Variants in TPRG1 observed in about 807,000 individuals in gnomAD.
TPRG1 encodes tumor protein p63 regulated 1, also known as tumor protein p63-regulated gene 1 protein.
A neutral mutation model predicts 29.3 loss-of-function variants in TPRG1; 29 were observed. The observed-to-expected ratio is 0.99, with a 90% confidence interval of 0.74 to 1.35. The LOEUF is 1.35. Among genes scored for constraint, TPRG1 ranks in the 40% most tolerant of loss-of-function variants. The probability of loss-of-function intolerance (pLI) is 0.00; values close to 1 mark genes in which losing one functional copy is unlikely to be tolerated. For missense variants in TPRG1, 327 were observed against 335.0 expected (o/e 0.98, Z 0.19); for synonymous variants, 130 against 116.8 (o/e 1.11, Z -0.73).
chr3:189,146,012 AAGCC>A (rs143731870), intron 3 of TPRG1, among the ~76,000 whole-genome samples: 1,772 of 152,282 alleles, frequency 0.012, 36 homozygotes, highest in African/African-American at 0.041. Context: ...TTCTAAGAGA[AAGCC>A]AGGCTAAAAT....
At chr3:189,150,428 G>A (rs576124478) in intron 4 of TPRG1, among the ~76,000 whole-genome samples, 5 of 152,180 alleles carry the variant, frequency 3.3e-5, no homozygotes, top group African/African-American at 4.8e-5. Context: ...TGATTCACCC[G>A]CCTCGGCCTC....
intron 3 of TPRG1, among the ~76,000 whole-genome samples, chr3:189,018,911 C>T (rs928638379): frequency 3.3e-5 from 5 of 151,298 alleles, no homozygotes; most frequent in Non-Finnish European, 5.9e-5. Flanking sequence ...TTTCCTTGAG[C>T]AGTGGATTGT....
At chr3:189,014,498 C>T (rs920245547) in intron 3 of TPRG1, among the ~76,000 whole-genome samples, 1 of 152,056 alleles carries the variant, frequency 6.6e-6, no homozygotes, top group African/African-American at 2.4e-5. Context: ...GGGTAATCTT[C>T]TCATGGACTG....
intron 2 of TPRG1, among the ~76,000 whole-genome samples, chr3:189,003,687 T>C (rs1268005000): frequency 6.6e-6 from 1 of 152,162 alleles, no homozygotes; most frequent in East Asian, 1.9e-4. Flanking sequence ...TATCCCTAGA[T>C]GGGTTGGCAT....
chr3:189,107,640 C>T (rs1316859667), intron 1 of TPRG1, among the ~76,000 whole-genome samples: 1 of 152,074 alleles, frequency 6.6e-6, no homozygotes, highest in Non-Finnish European at 1.5e-5. Flanking sequence ...TGTTCATTCA[C>T]CTGCATTCAG....
intron 4 of TPRG1, among the ~76,000 whole-genome samples, chr3:189,056,564 A>G (rs1249529517): frequency 2.0e-5 from 3 of 152,188 alleles, no homozygotes; most frequent in Non-Finnish European, 4.4e-5. Context: ...CCATGATTAC[A>G]CCATTTTCCT....
chr3:189,302,813 G>C (rs1004773947), intron 4 of TPRG1, among the ~76,000 whole-genome samples: 1 of 152,100 alleles, frequency 6.6e-6, no homozygotes, highest in Admixed American at 6.6e-5. Context: ...GAGAAAGAGG[G>C]TATTTTTATC....
intron 4 of TPRG1, among the ~76,000 whole-genome samples, chr3:189,293,400 G>C (rs1719340142): frequency 6.6e-6 from 1 of 152,120 alleles, no homozygotes; most frequent in Non-Finnish European, 1.5e-5. Context: ...CCTGATCTGG[G>C]ACCTGGATAA....
rs570106369 is a variant in TPRG1, at chr3:189,161,368, C to T, written c.-10+10496C>T. Reference sequence around the variant, plus strand: ...ACTTGTTTCTCCTCAGTTTCTTCTGCCATAAATGGAGAAGCATTGTAAAAA... The same window carrying T: ...ACTTGTTTCTCCTCAGTTTCTTCTGTCATAAATGGAGAAGCATTGTAAAAA... On this transcript the variant is annotated intron_variant, in intron 5 of 6. Transcript: ENST00000412373. Among the ~76,000 whole-genome samples the T allele has an allele frequency of 6.6e-5, 10 of 152,226 alleles. No homozygotes were observed. In the South Asian group the frequency reaches 1.9e-3, roughly 28 times the overall value.
chr3:189,286,496 T>C (rs1356359004), intron 4 of TPRG1, among the ~76,000 whole-genome samples: 2 of 152,062 alleles, frequency 1.3e-5, no homozygotes, highest in African/African-American at 4.8e-5. Context: ...TGAATGCATG[T>C]TTATTTCATA....
chr3:189,317,748 G>A (rs1283882000), intron 5 of TPRG1, among the ~76,000 whole-genome samples: 2 of 152,142 alleles, frequency 1.3e-5, no homozygotes, highest in Non-Finnish European at 2.9e-5. Context: ...GATATTATCG[G>A]TTGTCATATC....
chr3:189,022,731 C>A (rs1404305223), intron 3 of TPRG1, among the ~76,000 whole-genome samples: 2 of 152,244 alleles, frequency 1.3e-5, no homozygotes, highest in Non-Finnish European at 2.9e-5. Context: ...GCAGGCAGGC[C>A]TCCTTGAGCT....
chr3:189,044,135 TAGAG>T (rs370524302), intron 4 of TPRG1, among the ~76,000 whole-genome samples: 3 of 150,724 alleles, frequency 2.0e-5, no homozygotes, highest in African/African-American at 4.9e-5. Context: ...CAAAGAATAG[TAGAG>T]AGAGAGAGAG....
upstream of TPRG1, among the ~76,000 whole-genome samples, chr3:189,170,229 T>C (rs1728654213): frequency 6.6e-6 from 1 of 152,204 alleles, no homozygotes; most frequent in South Asian, 2.1e-4. Flanking sequence ...CAATTATTTC[T>C]AATTGCCCTG....
chr3:189,068,237 A>G (rs940958764), intron 4 of TPRG1, among the ~76,000 whole-genome samples: 9 of 152,222 alleles, frequency 5.9e-5, no homozygotes, highest in African/African-American at 2.2e-4. Context: ...TAGAGCCACT[A>G]TAGAGAACAG....
At chr3:189,298,024 C>A (rs1720239829) in intron 4 of TPRG1, among the ~76,000 whole-genome samples, 1 of 152,108 alleles carries the variant, frequency 6.6e-6, no homozygotes, top group Non-Finnish European at 1.5e-5. Context: ...TAAATAAAAA[C>A]AAAATCATAA....
chr3:189,017,927 T>A (rs2152123868), intron 3 of TPRG1, among the ~76,000 whole-genome samples: 1 of 151,474 alleles, frequency 6.6e-6, no homozygotes, highest in South Asian at 2.1e-4. Context: ...CCATTCTAAC[T>A]GGTGTGAGAT....
chr3:189,016,538 G>A (rs971792517), intron 3 of TPRG1, among the ~76,000 whole-genome samples: 60 of 152,170 alleles, frequency 3.9e-4, no homozygotes, highest in African/African-American at 1.2e-3. Context: ...CATGAGATTC[G>A]GGAGGGGCTG....
At chr3:189,127,614 G>A (rs1413550570) in intron 2 of TPRG1, among the ~76,000 whole-genome samples, 2 of 152,246 alleles carry the variant, frequency 1.3e-5, no homozygotes, top group East Asian at 3.9e-4. Context: ...AATACAATGT[G>A]AATAACATGT....
Sources: gnomAD v4.1 joint callset for allele counts (sites outside exome capture counted in the v4.1 genomes callset) on GRCh38, gnomAD v4.1.1 for gene constraint, MANE v1.5 for transcripts, NCBI Gene and HGNC (gene_info 2026-07-23, HGNC 2026-07-21) for gene names.